Variants in TMEM123 observed in about 807,000 individuals in gnomAD.
TMEM123 encodes porimin.
In TMEM123, 16 loss-of-function variants were observed where a neutral mutation model predicts 19.7. That is an observed-to-expected ratio of 0.81 (90% CI 0.55 to 1.23). TMEM123 has a LOEUF of 1.23. TMEM123 is among the 50% of genes most tolerant of loss of function. The pLI is 0.00. For synonymous variants in TMEM123, 118 were observed against 99.4 expected (o/e 1.19, Z -1.12); for missense variants, 313 against 257.8 (o/e 1.21, Z -1.47).
At chr11:102,401,876 C>A in intron 3 of TMEM123, 40 bp downstream of exon 3, 1 of 1,588,528 alleles carries the variant, frequency 6.3e-7, no homozygotes, top group Non-Finnish European at 8.6e-7. Flanking sequence ...CATTTAACTA[C>A]TTGCAGCATA....
chr11:102,442,969 C>T (rs1857842876), intron 2 of TMEM123, among the ~76,000 whole-genome samples: 1 of 152,122 alleles, frequency 6.6e-6, no homozygotes, highest in Non-Finnish European at 1.5e-5. Flanking sequence ...GAATAAAATA[C>T]CTAGGAATCC....
At chr11:102,422,375 G>A (rs1347667586) in intron 2 of TMEM123, among the ~76,000 whole-genome samples, 3 of 152,190 alleles carry the variant, frequency 2.0e-5, no homozygotes, top group Non-Finnish European at 2.9e-5. Context: ...TCGGGAGGCT[G>A]AGGCAGGAGA....
intron 2 of TMEM123, among the ~76,000 whole-genome samples, chr11:102,409,998 T>G (rs1232928603): frequency 2.6e-5 from 4 of 152,008 alleles, no homozygotes; most frequent in African/African-American, 9.7e-5. Flanking sequence ...TCCTGAATTT[T>G]TAAACTCAAA....
intron 2 of TMEM123, among the ~76,000 whole-genome samples, chr11:102,405,885 A>G (rs1052138866): frequency 6.6e-6 from 1 of 152,238 alleles, no homozygotes; most frequent in Non-Finnish European, 1.5e-5. Context: ...GGCAAAAGGA[A>G]ATTTTGCATT....
intron 2 of TMEM123, chr11:102,448,099 A>G (rs1857902352): frequency 2.6e-6 from 1 of 389,560 alleles, no homozygotes; most frequent in Non-Finnish European, 5.1e-6. Flanking sequence ...TAGAGTCCAT[A>G]AATATTCCCT....
chr11:102,416,825 ATGCAAG>A (rs1421870537), intron 2 of TMEM123, among the ~76,000 whole-genome samples: 1 of 152,218 alleles, frequency 6.6e-6, no homozygotes, highest in Non-Finnish European at 1.5e-5. Flanking sequence ...TATTCTTGGG[ATGCAAG>A]GTTGGTTAAA....
At chr11:102,450,074 C>T (rs1275400327) in intron 1 of TMEM123, among the ~76,000 whole-genome samples, 1 of 152,140 alleles carries the variant, frequency 6.6e-6, no homozygotes, top group South Asian at 2.1e-4. Flanking sequence ...CTTCCTCATC[C>T]CACCCTCCAA....
intron 2 of TMEM123, among the ~76,000 whole-genome samples, chr11:102,428,452 C>A (rs891347619): frequency 4.2e-4 from 64 of 151,708 alleles, no homozygotes; most frequent in Non-Finnish European, 1.5e-4. Flanking sequence ...CAGGTGCCTG[C>A]CACCACACCC....
Position 102,450,803 on chromosome 11 carries a change from C to T in TMEM123, c.100+1721G>A, listed in dbSNP as rs11225256. On this transcript the variant is annotated intron_variant, in intron 1 of 4. Transcript: ENST00000398136. ...GATTTATGGACCTAAATTAGCATAG[C>T]GTGGGATGCACAGAATATGTACCCA... Among the ~76,000 whole-genome samples the T allele has an allele frequency of 8.1e-3, 1,228 of 152,206 alleles. 16 individuals are homozygous for T. The highest frequency in any genetic ancestry group is 0.028 in the African/African-American group (1,163 of 41,514).
At chr11:102,440,455 T>C (rs1232032065) in intron 2 of TMEM123, among the ~76,000 whole-genome samples, 4 of 152,160 alleles carry the variant, frequency 2.6e-5, no homozygotes, top group African/African-American at 9.7e-5. Context: ...AAACTAAGTT[T>C]CATAAGTGAA....
chr11:102,428,371 A>C (rs1328793598), intron 2 of TMEM123, among the ~76,000 whole-genome samples: 1 of 152,052 alleles, frequency 6.6e-6, no homozygotes, highest in Non-Finnish European at 1.5e-5. Flanking sequence ...GCACAATCTC[A>C]GCTCACTGCA....
intron 2 of TMEM123, among the ~76,000 whole-genome samples, chr11:102,440,870 CAAAAA>C (rs546830287): frequency 8.6e-4 from 130 of 151,330 alleles, no homozygotes; most frequent in Non-Finnish European, 1.3e-3. Flanking sequence ...AAATGGAAAA[CAAAAA>C]AAAGCAGGGG....
intron 2 of TMEM123, among the ~76,000 whole-genome samples, chr11:102,417,075 C>T (rs1952048741): frequency 6.6e-6 from 1 of 152,094 alleles, no homozygotes; most frequent in African/African-American, 2.4e-5. Flanking sequence ...CCTTTGAGAA[C>T]CAGAACAAGA....
At chr11:102,419,180 G>A (rs577721011) in intron 2 of TMEM123, among the ~76,000 whole-genome samples, 2 of 152,216 alleles carry the variant, frequency 1.3e-5, no homozygotes, top group South Asian at 4.2e-4. Context: ...AACAAAAAGT[G>A]CATGCATTCA....
intron 2 of TMEM123, among the ~76,000 whole-genome samples, chr11:102,424,765 T>C (rs997455967): frequency 6.6e-6 from 1 of 151,490 alleles, no homozygotes; most frequent in African/African-American, 2.4e-5. Context: ...GAGTTCAAAT[T>C]TGATTTATAT....
chr11:102,452,522 AC>A lies in TMEM123; in HGVS notation c.100+1del. On this transcript the variant is annotated splice_donor_variant, in intron 1 of 4. Coordinates refer to ENST00000398136, the MANE Select transcript of TMEM123 (RefSeq NM_052932.3). LOFTEE classifies it high-confidence loss of function. ...GGGCTGACGACCCCCGCAGCCACTT[AC>A]CCGCCATGGCTGCGCTTTCATGGGC... 6.5e-7 allele frequency: 1 copy of A among 1,535,446 alleles called. No homozygotes were observed.
chr11:102,410,291 A>G (rs1951993213), intron 2 of TMEM123, among the ~76,000 whole-genome samples: 2 of 152,170 alleles, frequency 1.3e-5, no homozygotes, highest in South Asian at 4.1e-4. Flanking sequence ...ATAGCCTGAA[A>G]GGTGATCCTG....
In TMEM123 at chr11:102,448,843, C is replaced by A. The variant is rs199950590; in HGVS notation, c.126G>T (p.Gly42=). ...MAASANIENS[G]LPHNSSANST... ...AGTTAGCACTGGAGTTGTGTGGAAG[C>A]CCAGAATTCTCTATGTTTGCAGATG... The change falls in exon 2 of 5, where the codon GGG becomes GGT. Residue 42 remains glycine, a synonymous_variant. Coordinates refer to ENST00000398136, the MANE Select transcript of TMEM123 (RefSeq NM_052932.3). The A allele has an allele frequency of 3.3e-5, 54 of 1,613,570 alleles. No homozygotes were observed. The highest frequency in any genetic ancestry group is 1.0e-4 in the Admixed American group (6 of 59,994).
rs1251416421 is a variant in TMEM123 at position 102,448,827 on chromosome 11, T to C, written c.142A>G (p.Ser48Gly). The stretch of plus-strand genomic sequence containing the variant: ...TAAAACTCACCTGTTGAGTTAGCAC[T>C]GGAGTTGTGTGGAAGCCCAGAATTC... Reference protein sequence around the residue: ...IENSGLPHNSSANSTETLQHV... With the variant: ...IENSGLPHNSGANSTETLQHV... Residue 48 changes from serine (S) to glycine (G), a missense_variant, in exon 2 of 5, where the codon AGT (serine) becomes GGT (glycine). Ser to Gly is a moderately conservative substitution (Grantham distance 56). Transcript: ENST00000398136. 6.2e-7 allele frequency: 1 copy of C among 1,613,750 alleles called. No individual in the cohort carries two copies. Among genetic ancestry groups the C allele is most frequent in the Non-Finnish European group, 8.5e-7 (1 of 1,179,788 alleles).
Sources: gnomAD v4.1 joint callset for allele counts (sites outside exome capture counted in the v4.1 genomes callset) on GRCh38, gnomAD v4.1.1 for gene constraint, MANE v1.5 for transcripts, NCBI Gene and HGNC (gene_info 2026-07-23, HGNC 2026-07-21) for gene names.